The following CHP1 variants were observed in gnomAD, a reference collection of about 807,000 sequenced individuals.
CHP1 encodes calcineurin like EF-hand protein 1, also known as calcineurin B homologous protein 1.
A neutral mutation model predicts 27.4 loss-of-function variants in CHP1; 11 were observed. The ratio of observed to expected loss-of-function variants is 0.40; its 90% CI spans 0.25 to 0.67. The LOEUF is 0.67. CHP1 is among the 30% of genes least tolerant of loss of function. The probability of loss-of-function intolerance (pLI) is 0.38; values close to 1 mark genes in which losing one functional copy is unlikely to be tolerated. For missense variants in CHP1, 169 were observed against 251.3 expected (o/e 0.67, Z 2.22); for synonymous variants, 89 against 87.4 (o/e 1.02, Z -0.10).
chr15:41,240,850 C>G (rs2047303183), intron 1 of CHP1, among the ~76,000 whole-genome samples: 1 of 139,792 alleles, frequency 7.2e-6, no homozygotes, highest in Non-Finnish European at 1.5e-5. Context: ...TTTTGGGAAA[C>G]TTAGTAATTC....
At chr15:41,261,087 C>G (rs972431874) in intron 3 of CHP1, among the ~76,000 whole-genome samples, 1 of 151,564 alleles carries the variant, frequency 6.6e-6, no homozygotes, top group Admixed American at 6.6e-5. Context: ...TCCTTCCTTC[C>G]TTCCTTTCCT....
intron 3 of CHP1, among the ~76,000 whole-genome samples, chr15:41,260,696 A>G (rs1241199763): frequency 6.6e-6 from 1 of 152,098 alleles, no homozygotes; most frequent in East Asian, 1.9e-4. Context: ...TGCCTGGCCT[A>G]AAAGATTATT....
intron 2 of CHP1, among the ~76,000 whole-genome samples, chr15:41,244,139 A>G (rs2047321276): frequency 6.7e-6 from 1 of 149,284 alleles, no homozygotes; most frequent in African/African-American, 2.5e-5. Context: ...CAGAGGTCGC[A>G]GTGAGCAAAG....
intron 1 of CHP1, among the ~76,000 whole-genome samples, chr15:41,239,480 T>G (rs2047295129): frequency 6.6e-6 from 1 of 152,108 alleles, no homozygotes. Context: ...TTCAGCTCAC[T>G]GCAACCTCCA....
chr15:41,271,065 C>A (rs906174312), intron 5 of CHP1, among the ~76,000 whole-genome samples: 1 of 152,024 alleles, frequency 6.6e-6, no homozygotes, highest in Non-Finnish European at 1.5e-5. Flanking sequence ...ACCATCCTGG[C>A]TAACATGGTG....
intron 6 of CHP1, 145 bp from the exon 7 acceptor site, chr15:41,279,191 C>G (rs1480362351): frequency 1.5e-6 from 1 of 673,998 alleles, no homozygotes; most frequent in Non-Finnish European, 2.5e-6. Context: ...AGCCTGGCAA[C>G]AGAGTGAGAC....
chr15:41,256,366 A>G (rs1409130507), intron 2 of CHP1, among the ~76,000 whole-genome samples: 4 of 152,200 alleles, frequency 2.6e-5, no homozygotes, highest in East Asian at 1.9e-4. Flanking sequence ...TCCACAGAAC[A>G]TGGAAATGGA....
intron 1 of CHP1, among the ~76,000 whole-genome samples, chr15:41,239,650 G>GC (rs2047295947): frequency 6.6e-6 from 1 of 151,946 alleles, no homozygotes; most frequent in African/African-American, 2.4e-5. Flanking sequence ...CCCGCCCTCA[G>GC]CCCCCCAAAG....
chr15:41,274,968 C>G (rs1320953025), intron 5 of CHP1, among the ~76,000 whole-genome samples: 5 of 151,322 alleles, frequency 3.3e-5, no homozygotes, highest in Non-Finnish European at 7.4e-5. Context: ...TTTTTGTATT[C>G]TTAGTCGAGA....
chr15:41,263,426 G>T (rs752780864), intron 4 of CHP1, among the ~76,000 whole-genome samples: 2 of 152,148 alleles, frequency 1.3e-5, no homozygotes, highest in Non-Finnish European at 2.9e-5. Context: ...TTATACCCGT[G>T]TCTCATGCCT....
In CHP1 at chr15:41,281,763, C is replaced by G. The variant is rs1249696474; in HGVS notation, c.*2374C>G. 1 of 152,550 alleles carries G rather than the reference C, an allele frequency of 6.6e-6. No individual in the cohort carries two copies. Among genetic ancestry groups the G allele is most frequent in the Non-Finnish European group, 1.5e-5 (1 of 68,020 alleles). 9.4% of individuals were successfully genotyped at this position (152,550 alleles called of 1,614,324 possible). ...AGGCTTCTTGATTGGCATAAAGTTCCTAAGGTTATAGATTTTCCCCCCTTT... is the reference window on the plus strand; with the variant it reads ...AGGCTTCTTGATTGGCATAAAGTTCGTAAGGTTATAGATTTTCCCCCCTTT... On this transcript the variant is annotated 3_prime_UTR_variant, in exon 7 of 7. Transcript: ENST00000334660.
chr15:41,263,386 G>A (rs2047443188), intron 4 of CHP1, among the ~76,000 whole-genome samples: 1 of 152,132 alleles, frequency 6.6e-6, no homozygotes, highest in South Asian at 2.1e-4. Flanking sequence ...AGTAATGGGG[G>A]ACAGCTGGAT....
At chr15:41,239,108 T>C (rs1366043716) in intron 1 of CHP1, among the ~76,000 whole-genome samples, 2 of 152,188 alleles carry the variant, frequency 1.3e-5, no homozygotes, top group African/African-American at 4.8e-5. Context: ...TTTATATTCT[T>C]TGTCACAGTG....
chr15:41,254,054 A>C (rs1328360072), intron 2 of CHP1, among the ~76,000 whole-genome samples: 1 of 151,972 alleles, frequency 6.6e-6, no homozygotes, highest in African/African-American at 2.4e-5. Flanking sequence ...TTGGCCTCCA[A>C]AAGTGCTGGG....
intron 1 of CHP1, among the ~76,000 whole-genome samples, chr15:41,242,060 C>T (rs2047309594): frequency 6.6e-6 from 1 of 152,128 alleles, no homozygotes; most frequent in Admixed American, 6.6e-5. Flanking sequence ...CCATTATTGC[C>T]TCATTTTAAT....
At chr15:41,271,693 C>G (rs923158995) in intron 5 of CHP1, among the ~76,000 whole-genome samples, 1 of 152,154 alleles carries the variant, frequency 6.6e-6, no homozygotes, top group South Asian at 2.1e-4. Context: ...TTCCTACTAG[C>G]AGTGACTGGC....
chr15:41,263,000 G>C (rs2047441177), intron 4 of CHP1, 117 bp downstream of exon 4: 1 of 1,329,790 alleles, frequency 7.5e-7, no homozygotes, highest in South Asian at 1.4e-5. Context: ...TAAGACCTCA[G>C]ACTCTGGAGC....
chr15:41,272,982 A>G (rs894933246), intron 5 of CHP1, among the ~76,000 whole-genome samples: 1 of 151,900 alleles, frequency 6.6e-6, no homozygotes, highest in East Asian at 2.0e-4. Flanking sequence ...GTGTGAACCT[A>G]GGAGGCGGAG....
In CHP1 at chr15:41,250,818, ACTTT is replaced by A. The variant is rs537883932; in HGVS notation, c.141-6075_141-6072del. On this transcript the variant is annotated intron_variant, in intron 2 of 6. Coordinates refer to ENST00000334660, the MANE Select transcript of CHP1 (RefSeq NM_007236.5). Reference sequence around the variant, plus strand: ...AGAATATCAAGAGGAGATATTTAAGACTTTCTTTCTTTCTTTCTTTTTTTTTTTT... The same window carrying A: ...AGAATATCAAGAGGAGATATTTAAGACTTTCTTTCTTTCTTTTTTTTTTTT... 4.4e-4 allele frequency among the ~76,000 whole-genome samples: 66 copies of A among 151,128 alleles called. No homozygotes were observed. In the South Asian group the frequency reaches 5.0e-3, roughly 11 times the overall value.
Sources: allele counts gnomAD v4.1 joint callset (sites outside exome capture counted in the v4.1 genomes callset), GRCh38; gene constraint gnomAD v4.1.1; transcripts MANE v1.5; gene names NCBI Gene and HGNC (gene_info 2026-07-23, HGNC 2026-07-21).